Variants in PTPRD observed in about 807,000 individuals in gnomAD.
PTPRD encodes the protein receptor-type tyrosine-protein phosphatase delta.
Under a neutral mutation model 214.5 loss-of-function variants are expected in PTPRD, and 34 were observed. The observed-to-expected ratio is 0.16, with a 90% CI of 0.12 to 0.21. The LOEUF (loss-of-function observed/expected upper bound fraction) is 0.21. PTPRD is among the 10% of genes least tolerant of loss of function. The pLI is 1.00. For missense variants in PTPRD, 2,545 were observed against 2,398.7 expected (o/e 1.06, Z -1.27); for synonymous variants, 1,128 against 845.7 (o/e 1.33, Z -5.79).
At chr9:9,372,807 G>A (rs925603644) in intron 9 of PTPRD, among the ~76,000 whole-genome samples, 4 of 152,126 alleles carry the variant, frequency 2.6e-5, no homozygotes, top group Non-Finnish European at 2.9e-5. Flanking sequence ...GGGCAGGCCT[G>A]GTGGTGACAA....
At chr9:9,462,387 A>G (rs116025712) in intron 8 of PTPRD, among the ~76,000 whole-genome samples, 1,873 of 152,232 alleles carry the variant, frequency 0.012, 30 homozygotes, top group African/African-American at 0.043. Context: ...ATATTCATGT[A>G]TTTGTAACTA....
intron 3 of PTPRD, among the ~76,000 whole-genome samples, chr9:10,068,298 C>A (rs1434225699): frequency 2.6e-5 from 4 of 151,808 alleles, no homozygotes; most frequent in African/African-American, 7.3e-5. Flanking sequence ...AGGAACTTGG[C>A]CTTTTCATCA....
At chr9:10,514,102 A>G (rs1262681892) in intron 2 of PTPRD, among the ~76,000 whole-genome samples, 4 of 152,120 alleles carry the variant, frequency 2.6e-5, no homozygotes, top group African/African-American at 4.8e-5. Flanking sequence ...TCAATTATTC[A>G]TATGGAACAA....
chr9:8,874,742 A>G (rs2098361967), intron 11 of PTPRD, among the ~76,000 whole-genome samples: 1 of 152,204 alleles, frequency 6.6e-6, no homozygotes, highest in Non-Finnish European at 1.5e-5. Context: ...CTTTATCTGC[A>G]AAAGAGAGAT....
intron 11 of PTPRD, among the ~76,000 whole-genome samples, chr9:8,769,943 C>T (rs917615258): frequency 2.6e-5 from 4 of 152,018 alleles, no homozygotes; most frequent in Non-Finnish European, 5.9e-5. Context: ...AAATGATCTG[C>T]CAAATATTAC....
chr9:8,561,317 C>T (rs931455489), intron 14 of PTPRD, among the ~76,000 whole-genome samples: 11 of 152,122 alleles, frequency 7.2e-5, no homozygotes, highest in Admixed American at 1.3e-4. Context: ...AAAAACCACC[C>T]GACTGAAGGG....
intron 5 of PTPRD, among the ~76,000 whole-genome samples, chr9:9,827,017 T>C (rs887045535): frequency 1.3e-5 from 2 of 152,060 alleles, no homozygotes; most frequent in African/African-American, 2.4e-5. Flanking sequence ...TACAAACAAA[T>C]GGAAGAACAT....
chr9:8,446,761 G>A (rs535655739), intron 34 of PTPRD, among the ~76,000 whole-genome samples: 10 of 152,182 alleles, frequency 6.6e-5, no homozygotes, highest in East Asian at 1.9e-4. Context: ...AAAAATTAGC[G>A]TCATAGCACC....
intron 8 of PTPRD, among the ~76,000 whole-genome samples, chr9:9,429,886 T>C (rs982390873): frequency 6.6e-6 from 1 of 152,184 alleles, no homozygotes; most frequent in South Asian, 2.1e-4. Flanking sequence ...AAATTAGGTA[T>C]TGATGGAATG....
intron 8 of PTPRD, among the ~76,000 whole-genome samples, chr9:9,564,184 G>T (rs985324858): frequency 1.3e-5 from 2 of 152,074 alleles, no homozygotes; most frequent in African/African-American, 4.8e-5. Context: ...TTAAGTACCT[G>T]TGTATTAACT....
intron 3 of PTPRD, among the ~76,000 whole-genome samples, chr9:10,261,311 T>C (rs2093686775): frequency 6.6e-6 from 1 of 151,894 alleles, no homozygotes; most frequent in Non-Finnish European, 1.5e-5. Context: ...AAATGCTCTA[T>C]GTCATTTGAA....
intron 9 of PTPRD, among the ~76,000 whole-genome samples, chr9:9,309,200 G>T (rs1190016776): frequency 1.3e-5 from 2 of 151,540 alleles, no homozygotes; most frequent in Non-Finnish European, 2.9e-5. Flanking sequence ...CCCTGTTCCT[G>T]CCTGAACTGT....
At chr9:9,113,960 T>C (rs2099809687) in intron 10 of PTPRD, among the ~76,000 whole-genome samples, 1 of 152,158 alleles carries the variant, frequency 6.6e-6, no homozygotes, top group African/African-American at 2.4e-5. Flanking sequence ...GAATGGTCTG[T>C]TGATGGAAGG....
intron 10 of PTPRD, among the ~76,000 whole-genome samples, chr9:9,028,695 C>T (rs1414140467): frequency 6.6e-6 from 1 of 151,858 alleles, no homozygotes; most frequent in Non-Finnish European, 1.5e-5. Flanking sequence ...AAGATATTGG[C>T]AGTCTGGCTA....
chr9:8,321,487 G>C lies in PTPRD; in HGVS notation c.5535-1521C>G, dbSNP rs4008235. Among the ~76,000 whole-genome samples, 256 of 44,502 alleles carry C rather than the reference G, an allele frequency of 5.8e-3. 8 individuals are homozygous for C. The highest frequency in any genetic ancestry group is 0.025 in the African/African-American group (251 of 9,948). The allele number at this position is 44,502 out of a possible 152,430, so 29.2% of individuals were successfully genotyped here. ...TGTGTGTGTGTGTGTGTGTGTGTGT[G>C]TATATATATATATATATATATATAT... On this transcript the variant is annotated intron_variant, in intron 44 of 45. Coordinates refer to ENST00000381196, the MANE Select transcript of PTPRD (RefSeq NM_002839.4).
chr9:10,470,841 A>C (rs1402627298), intron 2 of PTPRD, among the ~76,000 whole-genome samples: 1 of 152,092 alleles, frequency 6.6e-6, no homozygotes, highest in Middle Eastern at 3.2e-3. Flanking sequence ...GAAAGATATG[A>C]AATAAAATTA....
intron 9 of PTPRD, among the ~76,000 whole-genome samples, chr9:9,392,219 C>T (rs1262757579): frequency 6.6e-6 from 1 of 152,048 alleles, no homozygotes; most frequent in Admixed American, 6.6e-5. Flanking sequence ...CATTGATGAC[C>T]GCAGTGTAAA....
At position 9,087,878 on chromosome 9, in the gene PTPRD, C is replaced by CTTTTTTTT. The variant is rs59824704; in HGVS notation, c.-142-69151_-142-69144dup. Reference sequence around the variant, plus strand: ...TTATTTTCCACCAGAGCCCTAAACTCTTTTTTTTTTTTTTTTTTTTTTTTT... The same window carrying CTTTTTTTT: ...TTATTTTCCACCAGAGCCCTAAACTCTTTTTTTTTTTTTTTTTTTTTTTTTTTTTTTTT... On this transcript the variant is annotated intron_variant, in intron 10 of 45. Transcript: ENST00000381196. 1.6e-4 allele frequency among the ~76,000 whole-genome samples: 11 copies of CTTTTTTTT among 68,648 alleles called. 1 individual carries two copies. The highest frequency in any genetic ancestry group is 6.1e-4 in the South Asian group (1 of 1,640). 45.0% of individuals were successfully genotyped at this position (68,648 alleles called of 152,430 possible).
In PTPRD at chr9:8,405,234, G is replaced by A. The variant is rs530162918; in HGVS notation, c.4087-574C>T. Among the ~76,000 whole-genome samples, 8 of 152,150 alleles carry A rather than the reference G, an allele frequency of 5.3e-5. No individual in the cohort carries two copies. The South Asian group carries it at 1.7e-3, about 32-fold the overall frequency. On this transcript the variant is annotated intron_variant, in intron 35 of 45. Transcript: ENST00000381196. The stretch of plus-strand genomic sequence containing the variant: ...ATTGTACAATTTAAATAGTTAACAC[G>A]AACAGTAAAGAAGGGAGGTCAGTTA...
Sources: gnomAD v4.1 joint callset for allele counts (sites outside exome capture counted in the v4.1 genomes callset) on GRCh38, gnomAD v4.1.1 for gene constraint, MANE v1.5 for transcripts, NCBI Gene and HGNC (gene_info 2026-07-23, HGNC 2026-07-21) for gene names.